The following CSNK2A2IP variants were observed in gnomAD, a reference collection of about 807,000 sequenced individuals.
The protein encoded by CSNK2A2IP is casein kinase 2 subunit alpha' interacting protein.
chr3:88,457,826 G>C, the CSNK2A2IP span, among the ~76,000 whole-genome samples: 1 of 151,910 alleles, frequency 6.6e-6, no homozygotes, highest in Non-Finnish European at 1.5e-5. Flanking sequence ...AGTTTGTGTA[G>C]AATTGGCATT....
the CSNK2A2IP span, among the ~76,000 whole-genome samples, chr3:88,455,908 A>ACT: frequency 4.6e-5 from 7 of 150,734 alleles, no homozygotes; most frequent in Middle Eastern, 3.2e-3. Flanking sequence ...CTATTTAATG[A>ACT]TTTTTTTTTT....
chr3:88,463,760 T>C, the CSNK2A2IP span, among the ~76,000 whole-genome samples: 1 of 152,286 alleles, frequency 6.6e-6, no homozygotes, highest in South Asian at 2.1e-4. Context: ...CTCAGGGATC[T>C]AGAACTGGAA....
chr3:88,349,167 A>G, the CSNK2A2IP span, among the ~76,000 whole-genome samples: 1 of 151,902 alleles, frequency 6.6e-6, no homozygotes, highest in Non-Finnish European at 1.5e-5. Context: ...TTGGGGGTGC[A>G]GGTGGTTTTT....
the CSNK2A2IP span, among the ~76,000 whole-genome samples, chr3:88,394,249 C>T: frequency 1.3e-5 from 2 of 152,052 alleles, no homozygotes. Context: ...GTGAATGTAC[C>T]ATATTCCATT....
chr3:88,376,991 T>C, the CSNK2A2IP span, among the ~76,000 whole-genome samples: 1 of 151,812 alleles, frequency 6.6e-6, no homozygotes, highest in African/African-American at 2.4e-5. Flanking sequence ...ATCTCAATCA[T>C]TGTCTCAGTT....
At chr3:88,385,747 A>T in the CSNK2A2IP span, among the ~76,000 whole-genome samples, 1 of 152,216 alleles carries the variant, frequency 6.6e-6, no homozygotes, top group Non-Finnish European at 1.5e-5. Context: ...TAGCTGACTT[A>T]CCTTTAGAGA....
At chr3:88,400,666 G>C in the CSNK2A2IP span, among the ~76,000 whole-genome samples, 1 of 151,044 alleles carries the variant, frequency 6.6e-6, no homozygotes, top group Non-Finnish European at 1.5e-5. Flanking sequence ...TGACAGAATG[G>C]AACCACAAAC....
the CSNK2A2IP span, among the ~76,000 whole-genome samples, chr3:88,353,097 G>A: frequency 6.6e-6 from 1 of 152,132 alleles, no homozygotes; most frequent in Admixed American, 6.6e-5. Flanking sequence ...GATGGATACT[G>A]CTTTGCGTAT....
chr3:88,416,261 G>T, the CSNK2A2IP span, among the ~76,000 whole-genome samples: 673 of 144,870 alleles, frequency 4.6e-3, 28 homozygotes, highest in Admixed American at 0.044. Flanking sequence ...GACAGAGTGA[G>T]ACTCCCTATT....
the CSNK2A2IP span, among the ~76,000 whole-genome samples, chr3:88,438,363 C>T: frequency 2.0e-5 from 3 of 152,122 alleles, no homozygotes; most frequent in Non-Finnish European, 2.9e-5. Context: ...CTTCTTTCTC[C>T]TGTTTACCTT....
At chr3:88,442,849 A>T in the CSNK2A2IP span, among the ~76,000 whole-genome samples, 1 of 152,048 alleles carries the variant, frequency 6.6e-6, no homozygotes, top group African/African-American at 2.4e-5. Context: ...GAATTTTGTT[A>T]TGTCCCTTAA....
At chr3:88,434,344 C>T in the CSNK2A2IP span, among the ~76,000 whole-genome samples, 54,655 of 151,770 alleles carry the variant, frequency 0.36, 11,088 homozygotes, top group Non-Finnish European at 0.47. Context: ...GGTGGTCCAT[C>T]CAAATGCAGA....
the CSNK2A2IP span, among the ~76,000 whole-genome samples, chr3:88,370,409 G>T: frequency 6.6e-6 from 1 of 151,814 alleles, no homozygotes; most frequent in Non-Finnish European, 1.5e-5. Context: ...TATATTCACA[G>T]AAGTAATTTT....
chr3:88,425,537 A>G, the CSNK2A2IP span, among the ~76,000 whole-genome samples: 1 of 152,128 alleles, frequency 6.6e-6, no homozygotes, highest in African/African-American at 2.4e-5. Flanking sequence ...TTTTCTTGTC[A>G]ATTGTATAAC....
the CSNK2A2IP span, chr3:88,466,110 A>G: frequency 8.1e-7 from 1 of 1,231,602 alleles, no homozygotes; most frequent in Non-Finnish European, 1.0e-6. Context: ...CAAAACTTCA[A>G]ACAAGTGACT....
At chr3:88,456,559 T>C in the CSNK2A2IP span, among the ~76,000 whole-genome samples, 1 of 152,110 alleles carries the variant, frequency 6.6e-6, no homozygotes, top group Non-Finnish European at 1.5e-5. Flanking sequence ...TCCTACAACT[T>C]TACTGAATTT....
the CSNK2A2IP span, among the ~76,000 whole-genome samples, chr3:88,460,504 G>A: frequency 5.9e-5 from 9 of 152,026 alleles, no homozygotes; most frequent in African/African-American, 2.2e-4. Context: ...CCAGATCTTG[G>A]TTTACTCTTT....
the CSNK2A2IP span, among the ~76,000 whole-genome samples, chr3:88,349,945 C>T: frequency 1.1e-4 from 17 of 152,034 alleles, no homozygotes; most frequent in Admixed American, 1.1e-3. Context: ...TCTTACAATA[C>T]TGTGGTAGTT....
the CSNK2A2IP span, among the ~76,000 whole-genome samples, chr3:88,408,657 T>G: frequency 6.6e-6 from 1 of 151,984 alleles, no homozygotes; most frequent in African/African-American, 2.4e-5. Flanking sequence ...GCAGTATAAA[T>G]TCCCATCTTT....
Sources: allele counts gnomAD v4.1 joint callset (sites outside exome capture counted in the v4.1 genomes callset), GRCh38; gene constraint gnomAD v4.1.1; transcripts MANE v1.5; gene names NCBI Gene and HGNC (gene_info 2026-07-23, HGNC 2026-07-21).